The following TTLL5 variants were observed in gnomAD, a reference collection of about 807,000 sequenced individuals.
TTLL5 encodes tubulin polyglutamylase TTLL5.
TTLL5 carries 132 observed loss-of-function variants against 168.4 expected under a neutral mutation model. The observed-to-expected ratio is 0.78, with a 90% CI of 0.68 to 0.91. TTLL5 has a LOEUF of 0.91. Among genes scored for constraint, TTLL5 ranks in the 40% least tolerant of loss-of-function variants. The probability of loss-of-function intolerance (pLI) is 0.00; values close to 1 mark genes in which losing one functional copy is unlikely to be tolerated. For missense variants in TTLL5, 1,545 were observed against 1,581.5 expected (o/e 0.98, Z 0.39); for synonymous variants, 546 against 558.6 (o/e 0.98, Z 0.32).
rs3742764 is a variant in TTLL5 at position 75,863,838 on chromosome 14, G to A, written c.3498G>A (p.Leu1166=). 168,189 of 1,572,346 alleles carry A rather than the reference G, an allele frequency of 0.11. 12,542 individuals carry two copies. The highest frequency in any genetic ancestry group is 0.4 in the East Asian group (17,457 of 43,374). ...AAAAACTTCAGTCCCGGCAGCTCCT[G>A]GACCAGAGTCGAGCCCGGCACCAGG... is the stretch of plus-strand genomic sequence containing the variant. The part of the protein sequence containing the change: ...EQQKLQSRQL[L]DQSRARHQAI... The change falls in exon 29 of 32, where the codon CTG becomes CTA. Residue 1166 remains leucine, a synonymous_variant. Transcript: ENST00000298832.
intron 31 of TTLL5, chr14:75,906,426 G>A (rs1430089940): frequency 1.4e-6 from 1 of 693,386 alleles, no homozygotes; most frequent in Admixed American, 6.3e-5. Flanking sequence ...ATTGGAATTT[G>A]ACAGGAAGTG....
chr14:75,757,588 T>A (rs1008789288), intron 18 of TTLL5, among the ~76,000 whole-genome samples: 1 of 152,250 alleles, frequency 6.6e-6, no homozygotes, highest in African/African-American at 2.4e-5. Flanking sequence ...ATAATTATTA[T>A]AATTTTTCTC....
At chr14:75,729,568 A>G (rs1888402849) in intron 12 of TTLL5, among the ~76,000 whole-genome samples, 1 of 152,102 alleles carries the variant, frequency 6.6e-6, no homozygotes, top group African/African-American at 2.4e-5. Flanking sequence ...TTTCCACCCC[A>G]TTCCCCCCAC....
chr14:75,880,173 A>G (rs1466584968), intron 29 of TTLL5, among the ~76,000 whole-genome samples: 1 of 152,044 alleles, frequency 6.6e-6, no homozygotes, highest in East Asian at 1.9e-4. Flanking sequence ...ACATACATAT[A>G]TAGATATATA....
intron 21 of TTLL5, among the ~76,000 whole-genome samples, chr14:75,773,963 G>GAA (rs35635750): frequency 0.45 from 30,496 of 68,432 alleles, 4,342 homozygotes; most frequent in Admixed American, 0.55. Flanking sequence ...GAGAAAGAGA[G>GAA]AGAGAGAGAG....
intron 3 of TTLL5, among the ~76,000 whole-genome samples, chr14:75,674,130 CCATAAGTCTTTTT>C (rs1883964427): frequency 6.6e-6 from 1 of 152,126 alleles, no homozygotes. Flanking sequence ...TTTTTAGGAT[CCATAAGTCTTTTT>C]CTTTACACAT....
intron 30 of TTLL5, among the ~76,000 whole-genome samples, chr14:75,884,261 G>A (rs1223783438): frequency 6.6e-6 from 1 of 152,238 alleles, no homozygotes; most frequent in Non-Finnish European, 1.5e-5. Context: ...TGAGCCAAAT[G>A]CGAATGTTGA....
chr14:75,754,208 T>G (rs963504772), intron 18 of TTLL5, among the ~76,000 whole-genome samples: 2 of 152,196 alleles, frequency 1.3e-5, no homozygotes, highest in Admixed American at 1.3e-4. Flanking sequence ...ATACAAGAAC[T>G]ATTTTTGCTT....
chr14:75,820,172 G>T lies in TTLL5; in HGVS notation c.3326+11G>T, dbSNP rs1165488438. The stretch of plus-strand genomic sequence containing the variant: ...CTCTCCTGGAAGCAGGTATGTGAAG[G>T]GCCCTGCAACTAGCATTTGGGTTAC... On this transcript the variant is annotated intron_variant, in intron 28 of 31. Transcript: ENST00000298832. 6.4e-6 allele frequency: 10 copies of T among 1,563,972 alleles called. No homozygotes were observed. Among genetic ancestry groups the T allele is most frequent in the Non-Finnish European group, 6.0e-6 (7 of 1,159,646 alleles).
chr14:75,751,291 C>T (rs1030828839), intron 17 of TTLL5, among the ~76,000 whole-genome samples: 1 of 152,172 alleles, frequency 6.6e-6, no homozygotes, highest in Non-Finnish European at 1.5e-5. Flanking sequence ...TTAGCAGCTC[C>T]AGCATGTGAT....
At chr14:75,686,432 C>G (rs957413158) in intron 5 of TTLL5, among the ~76,000 whole-genome samples, 2 of 152,108 alleles carry the variant, frequency 1.3e-5, no homozygotes, top group Non-Finnish European at 2.9e-5. Context: ...AAATTAAGGC[C>G]TGTCTTGGGT....
chr14:75,735,362 A>C, intron 15 of TTLL5, 73 bp downstream of exon 15: 1 of 1,452,226 alleles, frequency 6.9e-7, no homozygotes, highest in Non-Finnish European at 9.7e-7. Context: ...CTGTGGGAGC[A>C]GAAGCACTGT....
At chr14:75,703,973 G>A (rs1333977674) in intron 7 of TTLL5, among the ~76,000 whole-genome samples, 1 of 152,194 alleles carries the variant, frequency 6.6e-6, no homozygotes, top group Non-Finnish European at 1.5e-5. Flanking sequence ...TGAGCTGTGG[G>A]ACTTTGTAAT....
intron 6 of TTLL5, among the ~76,000 whole-genome samples, chr14:75,696,865 G>T (rs1251806287): frequency 6.6e-6 from 1 of 152,018 alleles, no homozygotes; most frequent in African/African-American, 2.4e-5. Context: ...CATTTAACAG[G>T]CTATCTTCAA....
intron 21 of TTLL5, among the ~76,000 whole-genome samples, chr14:75,773,923 TATATAGAG>T (rs1312152875): frequency 0.021 from 593 of 27,726 alleles, 30 homozygotes; most frequent in African/African-American, 0.073. Context: ...TATATATATA[TATATAGAG>T]AGAGAGAGAG....
At chr14:75,737,850 T>C (rs1889005187) in intron 15 of TTLL5, among the ~76,000 whole-genome samples, 1 of 152,130 alleles carries the variant, frequency 6.6e-6, no homozygotes, top group South Asian at 2.1e-4. Context: ...ATGGAGACAG[T>C]TGAATTTAAA....
chr14:75,871,545 C>T (rs760224701), intron 29 of TTLL5, among the ~76,000 whole-genome samples: 45 of 151,212 alleles, frequency 3.0e-4, no homozygotes, highest in Non-Finnish European at 1.2e-4. Context: ...CTGCTATATA[C>T]TCTCGTATAC....
intron 9 of TTLL5, among the ~76,000 whole-genome samples, chr14:75,715,756 T>C (rs899172778): frequency 6.6e-6 from 1 of 152,016 alleles, no homozygotes; most frequent in African/African-American, 2.4e-5. Context: ...CTTGCTGGGG[T>C]TCAGAATAAA....
rs552193328 is a variant in TTLL5 at position 75,718,382 on chromosome 14, G to A, written c.842+420G>A. Among the ~76,000 whole-genome samples the A allele has an allele frequency of 4.6e-5, 7 of 152,298 alleles. No homozygotes were observed. The South Asian group carries it at 8.3e-4, about 18-fold the overall frequency. On this transcript the variant is annotated intron_variant, in intron 10 of 31. Transcript: ENST00000298832. Reference sequence around the variant, plus strand: ...AACTTAACCTTAAGGAATAAAAGATGTACACACAGGATCAGTGATAAGAAT... The same window carrying A: ...AACTTAACCTTAAGGAATAAAAGATATACACACAGGATCAGTGATAAGAAT...
Sources: allele counts gnomAD v4.1 joint callset (sites outside exome capture counted in the v4.1 genomes callset), GRCh38; gene constraint gnomAD v4.1.1; transcripts MANE v1.5; gene names NCBI Gene and HGNC (gene_info 2026-07-23, HGNC 2026-07-21).